CRYZL1: variants seen among roughly 807,000 people sequenced by gnomAD.
CRYZL1 encodes the protein ferry endosomal RAB5 effector complex subunit 4.
A neutral mutation model predicts 50.6 loss-of-function variants in CRYZL1; 34 were observed. That is an observed-to-expected ratio of 0.67 (90% CI 0.51 to 0.89). The LOEUF (loss-of-function observed/expected upper bound fraction) is 0.89, where lower values mean the gene tolerates loss of function less well. Ranked by LOEUF, CRYZL1 falls within the 40% of genes least tolerant of loss-of-function variation. The pLI is 0.00. For missense variants in CRYZL1, 354 were observed against 402.3 expected (o/e 0.88, Z 1.03); for synonymous variants, 125 against 134.3 (o/e 0.93, Z 0.48).
At chr21:33,605,033 T>C (rs1386025796) in intron 6 of CRYZL1, among the ~76,000 whole-genome samples, 1 of 152,224 alleles carries the variant, frequency 6.6e-6, no homozygotes, top group Non-Finnish European at 1.5e-5. Context: ...AGGTAGGTAA[T>C]AGTTTCTTAC....
chr21:33,601,093 C>T lies in CRYZL1; in HGVS notation c.577+1141G>A, dbSNP rs151179222. 9.8e-3 allele frequency among the ~76,000 whole-genome samples: 1,487 copies of T among 151,512 alleles called. 9 individuals are homozygous for T. The highest frequency in any genetic ancestry group is 0.016 in the Non-Finnish European group (1,080 of 67,876). On this transcript the variant is annotated intron_variant, in intron 8 of 12. Transcript: ENST00000381554. ...CTGGGATTACAGGCGTCTGCCACCACGCCCAGCTAATTTTTGTATTTTTAA... is the reference window on the plus strand; with the variant it reads ...CTGGGATTACAGGCGTCTGCCACCATGCCCAGCTAATTTTTGTATTTTTAA...
chr21:33,630,734 G>C (rs557043730), intron 2 of CRYZL1, among the ~76,000 whole-genome samples: 2 of 152,270 alleles, frequency 1.3e-5, no homozygotes, highest in African/African-American at 4.8e-5. Context: ...CAAAGATATG[G>C]AATCAACCTA....
chr21:33,601,956 A>G (rs1453581969), intron 8 of CRYZL1, among the ~76,000 whole-genome samples: 5 of 150,538 alleles, frequency 3.3e-5, no homozygotes, highest in Non-Finnish European at 7.4e-5. Flanking sequence ...TAGCACATAC[A>G]CTGCATTTTG....
At chr21:33,594,026 A>G (rs888749729) in intron 11 of CRYZL1, among the ~76,000 whole-genome samples, 5 of 150,614 alleles carry the variant, frequency 3.3e-5, no homozygotes, top group African/African-American at 7.3e-5. Flanking sequence ...ACTAATAGCT[A>G]CATAGTATTC....
intron 1 of CRYZL1, among the ~76,000 whole-genome samples, chr21:33,640,748 C>G (rs2087286477): frequency 6.6e-6 from 1 of 152,198 alleles, no homozygotes. Flanking sequence ...GCCACTAGCA[C>G]AGGTGGCTAT....
rs555878501 is a variant in CRYZL1 at position 33,625,015 on chromosome 21, G to A, written c.67-255C>T. 2.6e-5 allele frequency among the ~76,000 whole-genome samples: 4 copies of A among 152,144 alleles called. No individual in the cohort carries two copies. The South Asian group carries it at 6.2e-4, about 24-fold the overall frequency. On this transcript the variant is annotated intron_variant, in intron 2 of 12. Coordinates refer to ENST00000381554, the MANE Select transcript of CRYZL1 (RefSeq NM_145858.3). ...CTCAAATAACAATATGGATATATATGTAGACAATAAAGTTAGGATAACAAA... is the reference window on the plus strand; with the variant it reads ...CTCAAATAACAATATGGATATATATATAGACAATAAAGTTAGGATAACAAA...
chr21:33,599,173 A>G lies in CRYZL1; in HGVS notation c.653T>C (p.Val218Ala), dbSNP rs1189263887. Residue 218 changes from valine (V) to alanine (A), a missense_variant, in exon 9 of 13, where the codon GTA becomes GCA. Physicochemically the swap from Val to Ala is moderately conservative, Grantham distance 64 (BLOSUM62 0). Coordinates refer to ENST00000381554, the MANE Select transcript of CRYZL1 (RefSeq NM_145858.3). The stretch of plus-strand genomic sequence containing the variant: ...ACCTCCAGCATCTAGGACAATATCT[A>G]CTCCCAGGCCACCTGTTTCTTCCAA... ...SCLEETGGLG[V>A]DIVLDAGVRL... is the part of the protein sequence containing the mutation. The G allele has an allele frequency of 6.2e-7, 1 of 1,613,876 alleles. No homozygotes were observed. The highest frequency in any genetic ancestry group is 2.2e-5 in the East Asian group (1 of 44,850).
intron 4 of CRYZL1, among the ~76,000 whole-genome samples, chr21:33,619,782 A>C (rs1306901582): frequency 5.9e-5 from 9 of 152,108 alleles, no homozygotes; most frequent in Non-Finnish European, 1.3e-4. Context: ...AGCAATACCA[A>C]ACTCTTTGTA....
chr21:33,592,434 GC>G (rs1249188304), intron 11 of CRYZL1, among the ~76,000 whole-genome samples: 1 of 152,058 alleles, frequency 6.6e-6, no homozygotes, highest in Non-Finnish European at 1.5e-5. Context: ...ACTGCCCCCA[GC>G]CTCCAAATAT....
rs144017922 is a variant in CRYZL1 at position 33,640,021 on chromosome 21, T to G, written c.-7+1660A>C. On this transcript the variant is annotated intron_variant, in intron 1 of 12. Coordinates refer to ENST00000381554, the MANE Select transcript of CRYZL1 (RefSeq NM_145858.3). ...CTGTATTTTTAGTAGACACGGGGTT[T>G]CACCATGTTGGCCAGGCTGGTCTCG... 481 of 753,474 alleles carry G rather than the reference T, an allele frequency of 6.4e-4. 1 individual carries two copies. Among genetic ancestry groups the G allele is most frequent in the Non-Finnish European group, 8.7e-4 (433 of 500,072 alleles). The allele number at this position is 753,474 out of a possible 1,614,324, so 46.7% of individuals were successfully genotyped here.
chr21:33,604,830 C>T (rs1223616187), intron 6 of CRYZL1, among the ~76,000 whole-genome samples: 1 of 152,152 alleles, frequency 6.6e-6, no homozygotes, highest in Non-Finnish European at 1.5e-5. Context: ...AATATTGTTA[C>T]ACCGTGCATG....
At chr21:33,604,528 CAAAA>C (rs34132721) in intron 6 of CRYZL1, among the ~76,000 whole-genome samples, 1 of 115,576 alleles carries the variant, frequency 8.7e-6, no homozygotes. Flanking sequence ...GACTCCGTCT[CAAAA>C]AAAAAAAAAA....
chr21:33,601,628 A>G (rs905318519), intron 8 of CRYZL1, among the ~76,000 whole-genome samples: 3 of 152,210 alleles, frequency 2.0e-5, no homozygotes, highest in African/African-American at 7.2e-5. Flanking sequence ...TCACTTAAGT[A>G]AACTGGGGCT....
At chr21:33,599,778 C>T (rs998850774) in intron 8 of CRYZL1, among the ~76,000 whole-genome samples, 1 of 151,984 alleles carries the variant, frequency 6.6e-6, no homozygotes, top group Non-Finnish European at 1.5e-5. Context: ...ACTACAGGTA[C>T]ATGCCACCAC....
At chr21:33,637,788 T>TATATATATATATATATATATATACACAC (rs1491462371) in intron 1 of CRYZL1, among the ~76,000 whole-genome samples, 2 of 117,200 alleles carry the variant, frequency 1.7e-5, no homozygotes, top group Non-Finnish European at 1.8e-5. Flanking sequence ...TATATATATA[T>TATATATATATATATATATATATACACAC]ACACACACAC....
intron 2 of CRYZL1, among the ~76,000 whole-genome samples, chr21:33,627,349 T>C (rs2087079090): frequency 6.6e-6 from 1 of 152,180 alleles, no homozygotes; most frequent in South Asian, 2.1e-4. Context: ...TCCTCCTGCC[T>C]CAGCCTCCCA....
At chr21:33,590,838 G>T (rs1191547319) in intron 12 of CRYZL1, among the ~76,000 whole-genome samples, 5 of 152,236 alleles carry the variant, frequency 3.3e-5, no homozygotes, top group Non-Finnish European at 7.3e-5. Context: ...AAAGCAAAGG[G>T]TGAGGTACAC....
chr21:33,625,857 C>T (rs1279463425), intron 2 of CRYZL1, among the ~76,000 whole-genome samples: 3 of 152,064 alleles, frequency 2.0e-5, no homozygotes, highest in East Asian at 3.9e-4. Context: ...GATGGTGTCT[C>T]GCTGAGTTGC....
chr21:33,622,837 T>C (rs2145949380), intron 3 of CRYZL1, among the ~76,000 whole-genome samples: 1 of 152,330 alleles, frequency 6.6e-6, no homozygotes, highest in East Asian at 1.9e-4. Context: ...ATTTTTCAAT[T>C]TTCTGATCTC....
Sources: allele counts gnomAD v4.1 joint callset (sites outside exome capture counted in the v4.1 genomes callset), GRCh38; gene constraint gnomAD v4.1.1; transcripts MANE v1.5; gene names NCBI Gene and HGNC (gene_info 2026-07-23, HGNC 2026-07-21).